CCDC187: variants seen among roughly 807,000 people sequenced by gnomAD.
CCDC187 encodes coiled-coil domain-containing protein 187.
A neutral mutation model predicts 38.0 loss-of-function variants in CCDC187; 32 were observed. That is an observed-to-expected ratio of 0.84 (90% CI 0.64 to 1.13). The LOEUF is 1.13. Ranked by LOEUF, CCDC187 falls within the 50% of genes most tolerant of loss-of-function variation. The pLI, the probability that CCDC187 is intolerant of heterozygous loss-of-function variation, is 0.00. For missense variants in CCDC187, 707 were observed against 786.8 expected (o/e 0.90, Z 1.21); for synonymous variants, 333 against 347.9 (o/e 0.96, Z 0.48).
chr9:136,290,749 G>A lies in CCDC187; in HGVS notation c.1864C>T (p.Pro622Ser). The change falls in exon 6 of 26, where the codon CCC becomes TCC. Residue 622 changes from proline (P) to serine (S), a missense_variant. Coordinates refer to ENST00000638797, the MANE Select transcript of CCDC187 (RefSeq NM_001378188.1). ...PLGKEKDTLR[P>S]CPRSRGLLGP... ...AGGAGCCCCCGGGACCTGGGGCAGG[G>A]CCGCAGCGTGTCCTTCTCCTTCCCA... The A allele has an allele frequency of 2.5e-6, 1 of 398,514 alleles. No individual in the cohort carries two copies. Among genetic ancestry groups the A allele is most frequent in the Non-Finnish European group, 4.4e-6 (1 of 225,952 alleles). The allele number at this position is 398,514 out of a possible 1,614,324, so 24.7% of individuals were successfully genotyped here.
At chr9:136,286,770 T>C (rs1197639041) in intron 7 of CCDC187, 75 bp from the exon 8 acceptor site, 2 of 398,226 alleles carry the variant, frequency 5.0e-6, no homozygotes, top group Non-Finnish European at 8.8e-6. Context: ...ACGCGTGTTT[T>C]GCAGGTGTGA....
chr9:136,283,475 C>G (rs1456149704), intron 9 of CCDC187, among the ~76,000 whole-genome samples: 2 of 152,250 alleles, frequency 1.3e-5, no homozygotes, highest in African/African-American at 4.8e-5. Flanking sequence ...CTTGGCAGGG[C>G]CCAGCGAGCC....
At position 136,254,977 on chromosome 9, in the gene CCDC187, T is replaced by C; in HGVS notation, c.4851A>G (p.Pro1617=). 1 of 985,486 alleles carries C rather than the reference T, an allele frequency of 1.0e-6. No homozygotes were observed. The highest frequency in any genetic ancestry group is 1.2e-6 in the Non-Finnish European group (1 of 829,936). 61.0% of individuals were successfully genotyped at this position (985,486 alleles called of 1,614,324 possible). A position where few individuals can be genotyped will look rare whatever the true frequency, so the allele number is the denominator to read the frequency against. The change falls in exon 26 of 26, where the codon CCA becomes CCG. Residue 1617 remains proline, a synonymous_variant. Transcript: ENST00000638797. ...EEATVSSHTS[P]AGSVSSLSCP... is the part of the protein sequence containing the mutation. ...AGGACAGGCTGCTCACAGAGCCTGCTGGGGAGGTGTGGGATGACACCGTGG... is the reference window on the plus strand; with the variant it reads ...AGGACAGGCTGCTCACAGAGCCTGCCGGGGAGGTGTGGGATGACACCGTGG...
chr9:136,276,339 C>T (rs1830929693), intron 11 of CCDC187, 38 bp from the exon 12 acceptor site: 1 of 152,202 alleles, frequency 6.6e-6, no homozygotes, highest in Non-Finnish European at 1.5e-5. Flanking sequence ...TCCTGCTGCC[C>T]CCAGCCAGGG....
At chr9:136,270,929 C>T (rs1456000411) in intron 14 of CCDC187, among the ~76,000 whole-genome samples, 1 of 152,210 alleles carries the variant, frequency 6.6e-6, no homozygotes, top group Non-Finnish European at 1.5e-5. Context: ...ATATTAAAAG[C>T]TAAATGATTA....
intron 19 of CCDC187, among the ~76,000 whole-genome samples, chr9:136,260,914 C>T (rs532484086): frequency 2.4e-4 from 37 of 152,346 alleles, no homozygotes; most frequent in African/African-American, 8.4e-4. Context: ...GTGTGTGCCC[C>T]ACACAGGCTC....
rs1830626955 is a variant in CCDC187, at chr9:136,257,413, A to G, written c.4367-572T>C. 6.6e-6 allele frequency among the ~76,000 whole-genome samples: 1 copy of G among 151,534 alleles called. No homozygotes were observed. The highest frequency in any genetic ancestry group is 2.1e-4 in the South Asian group (1 of 4,806). On this transcript the variant is annotated intron_variant, in intron 22 of 25. Coordinates refer to ENST00000638797, the MANE Select transcript of CCDC187 (RefSeq NM_001378188.1). This position sits in a 1 kb window ranked among gnomAD's most constrained non-coding sequence, Gnocchi z 4.5. ...AATAATAATAATAATAATAATTTAG[A>G]GGCCTCTTTCCCTCCCTTGGGGGAA...
At chr9:136,277,593 C>T (rs1052377788) in intron 10 of CCDC187, among the ~76,000 whole-genome samples, 15,904 of 151,896 alleles carry the variant, frequency 0.1, 1,169 homozygotes, top group Admixed American at 0.19. Context: ...TGGGATTGGT[C>T]CAGAGCTTGG....
At chr9:136,256,140 CAG>C (rs879988401) in intron 24 of CCDC187, 69 bp downstream of exon 24, 22 of 819,726 alleles carry the variant, frequency 2.7e-5, no homozygotes, top group Non-Finnish European at 3.1e-5. Flanking sequence ...AGCAGGGGGA[CAG>C]GGGGTACCGG....
chr9:136,267,042 A>T (rs1554761726), intron 16 of CCDC187: 2 of 152,954 alleles, frequency 1.3e-5, no homozygotes, highest in African/African-American at 4.8e-5. Flanking sequence ...AGATCGCGCC[A>T]CGCGCCTCTA....
intron 4 of CCDC187, among the ~76,000 whole-genome samples, chr9:136,294,341 TTCAC>T (rs1831483568): frequency 6.6e-6 from 1 of 151,978 alleles, no homozygotes; most frequent in Non-Finnish European, 1.5e-5. Flanking sequence ...CACACACACA[TTCAC>T]TCACACACAC....
In CCDC187 at chr9:136,262,408, G is replaced by T. The variant is rs1029567099; in HGVS notation, c.3967C>A (p.Gln1323Lys). Residue 1323 changes from glutamine to lysine, a missense_variant, in exon 19 of 26, where the codon CAG (glutamine) becomes AAG (lysine). Physicochemically the swap from Gln to Lys is moderately conservative, Grantham distance 53. Transcript: ENST00000638797. The part of the protein sequence containing the change: ...AWEGGSETSQ[Q>K]PEASLCPLTP... ...AGGGGACACAGGGAGGCCTCTGGCT[G>T]CTGGCTTGTCTCTGAGCCTCCCTCC... 33 of 986,308 alleles carry T rather than the reference G, an allele frequency of 3.3e-5. No homozygotes were observed. In the African/African-American group the frequency reaches 5.7e-4, roughly 17 times the overall value. The allele number at this position is 986,308 out of a possible 1,614,324, so 61.1% of individuals were successfully genotyped here.
chr9:136,259,393 C>CGG lies in CCDC187; in HGVS notation c.4264_4265dup (p.Asp1423ArgfsTer29). ...AGGCTGGGCCCAGCCGCTGTCCGTC[C>CGG]GGGGGGCTCACGTGCTGCAGGCCCA... On this transcript the variant is annotated frameshift_variant, in exon 21 of 26. Coordinates refer to ENST00000638797, the MANE Select transcript of CCDC187 (RefSeq NM_001378188.1). LOFTEE classifies it high-confidence loss of function. 2.0e-6 allele frequency: 2 copies of CGG among 984,922 alleles called. No homozygotes were observed. Among genetic ancestry groups the CGG allele is most frequent in the Non-Finnish European group, 2.4e-6 (2 of 829,926 alleles). The allele number at this position is 984,922 out of a possible 1,614,324, so 61.0% of individuals were successfully genotyped here.
intron 9 of CCDC187, among the ~76,000 whole-genome samples, chr9:136,285,115 T>A (rs921309590): frequency 6.6e-6 from 1 of 151,880 alleles, no homozygotes; most frequent in Non-Finnish European, 1.5e-5. Flanking sequence ...GCCAGGTGTG[T>A]GAGGCTCCAT....
chr9:136,262,063 C>T (rs1235770053), intron 19 of CCDC187, among the ~76,000 whole-genome samples: 1 of 152,258 alleles, frequency 6.6e-6, no homozygotes, highest in Non-Finnish European at 1.5e-5. Flanking sequence ...CCCTGGTGCC[C>T]TTTAATGAGG....
intron 14 of CCDC187, among the ~76,000 whole-genome samples, chr9:136,270,566 A>C (rs1830823531): frequency 6.6e-6 from 1 of 152,240 alleles, no homozygotes; most frequent in South Asian, 2.1e-4. Flanking sequence ...TGGGAGGAAC[A>C]TGAAAGTAGA....
At chr9:136,279,967 G>C (rs1407280562) in intron 10 of CCDC187, among the ~76,000 whole-genome samples, 1 of 152,216 alleles carries the variant, frequency 6.6e-6, no homozygotes, top group African/African-American at 2.4e-5. Context: ...GCAGCAAGAA[G>C]GCCCTTGCCA....
intron 9 of CCDC187, among the ~76,000 whole-genome samples, chr9:136,283,107 G>A (rs1313477162): frequency 2.6e-5 from 4 of 152,218 alleles, no homozygotes; most frequent in Admixed American, 2.0e-4. Flanking sequence ...AAATTAGCTG[G>A]GCGTGGTGGC....
chr9:136,292,509 C>T (rs1375422413), intron 4 of CCDC187, among the ~76,000 whole-genome samples: 1 of 152,220 alleles, frequency 6.6e-6, no homozygotes, highest in East Asian at 1.9e-4. Context: ...CGGCCATGGG[C>T]AGGTGGCTTC....
Sources: allele counts gnomAD v4.1 joint callset (sites outside exome capture counted in the v4.1 genomes callset), GRCh38; gene constraint gnomAD v4.1.1; non-coding constraint Gnocchi (gnomAD v3.1); transcripts MANE v1.5; gene names NCBI Gene and HGNC (gene_info 2026-07-23, HGNC 2026-07-21).